DCX: variants seen among roughly 807,000 people sequenced by gnomAD.
The protein encoded by DCX is doublecortin.
A neutral mutation model predicts 20.9 loss-of-function variants in DCX; 4 were observed. The observed-to-expected ratio is 0.19, with a 90% CI of 0.09 to 0.44. The LOEUF (loss-of-function observed/expected upper bound fraction) is 0.44, where lower values mean the gene tolerates loss of function less well. Ranked by LOEUF, DCX falls within the 20% of genes least tolerant of loss-of-function variation. The pLI is 0.99. For synonymous variants in DCX, 103 were observed against 111.4 expected, an observed-to-expected ratio of 0.92 and a Z score of 0.47; for missense variants, 133 against 296.9, an observed-to-expected ratio of 0.45 and a Z score of 4.06.
intron 3 of DCX, among the ~76,000 whole-genome samples, chrX:111,356,260 G>C (rs1339412821): frequency 2.7e-5 from 3 of 112,171 alleles, no homozygotes; most frequent in African/African-American, 9.7e-5. Context: ...TCTAGGAGTG[G>C]GCATGGCCTG....
At chrX:111,365,213 C>A (rs1388710053) in intron 3 of DCX, among the ~76,000 whole-genome samples, 1 of 109,685 alleles carries the variant, frequency 9.1e-6, no homozygotes, top group Non-Finnish European at 1.9e-5. Flanking sequence ...AGCTACCATG[C>A]CAGGCATAGT....
At chrX:111,356,283 C>A (rs1923726347) in intron 3 of DCX, among the ~76,000 whole-genome samples, 1 of 112,119 alleles carries the variant, frequency 8.9e-6, no homozygotes, top group South Asian at 3.7e-4. Context: ...TTAGGACTGG[C>A]AAAACATCTC....
chrX:111,378,519 A>G (rs1312926685), intron 3 of DCX, among the ~76,000 whole-genome samples: 1 of 111,667 alleles, frequency 9.0e-6, no homozygotes, highest in African/African-American at 3.3e-5. Flanking sequence ...TTATATAATC[A>G]AATAATATTC....
chrX:111,347,122 A>C (rs1323745759), intron 3 of DCX, among the ~76,000 whole-genome samples: 1 of 111,813 alleles, frequency 8.9e-6, no homozygotes, highest in Non-Finnish European at 1.9e-5. Context: ...TATTATTAGT[A>C]GTAGTAACAA....
chrX:111,334,765 ACT>A, intron 3 of DCX, among the ~76,000 whole-genome samples: 1 of 112,063 alleles, frequency 8.9e-6, no homozygotes, highest in Non-Finnish European at 1.9e-5. Flanking sequence ...TCAGGCCATG[ACT>A]TCATGGAGCT....
At chrX:111,325,320 T>C (rs1402974878) in intron 5 of DCX, among the ~76,000 whole-genome samples, 1 of 111,390 alleles carries the variant, frequency 9.0e-6, no homozygotes, top group Non-Finnish European at 1.9e-5. Context: ...TCCCACATAC[T>C]AACTACTGTG....
intron 3 of DCX, among the ~76,000 whole-genome samples, chrX:111,341,399 T>C (rs1160061918): frequency 9.0e-6 from 1 of 110,913 alleles, no homozygotes; most frequent in Admixed American, 9.6e-5. Context: ...CTACGATTGA[T>C]TGCAGTACAT....
At chrX:111,405,248 C>T (rs1928118274) in intron 2 of DCX, among the ~76,000 whole-genome samples, 1 of 112,018 alleles carries the variant, frequency 8.9e-6, no homozygotes, top group Non-Finnish European at 1.9e-5. Context: ...TCCAGGGCTT[C>T]CTGACTCAAG....
intron 3 of DCX, among the ~76,000 whole-genome samples, chrX:111,370,575 G>A (rs1256745876): frequency 9.0e-6 from 1 of 111,421 alleles, no homozygotes; most frequent in Non-Finnish European, 1.9e-5. Context: ...TGGGGAGAGG[G>A]ACAGTTCTGT....
Position 111,408,087 on chromosome X carries a change from T to C in DCX, c.364+1948A>G, listed in dbSNP as rs962814636. 9.9e-5 allele frequency among the ~76,000 whole-genome samples: 11 copies of C among 111,254 alleles called. No individual in the cohort carries two copies. In the Admixed American group the frequency reaches 1.1e-3, roughly 11 times the overall value. Reference sequence around the variant, plus strand: ...TACAGAGAAATCCCTGAAATTTGACTGAGATGTGGATTTTACAGTGACAAA... The same window carrying C: ...TACAGAGAAATCCCTGAAATTTGACCGAGATGTGGATTTTACAGTGACAAA... On this transcript the variant is annotated intron_variant, in intron 2 of 6. Transcript: ENST00000636035.
chrX:111,338,893 C>T (rs1157934802), intron 3 of DCX, among the ~76,000 whole-genome samples: 1 of 111,585 alleles, frequency 9.0e-6, no homozygotes, highest in Non-Finnish European at 1.9e-5. Context: ...GCTTCCATTC[C>T]CATTGCTCCA....
intron 6 of DCX, among the ~76,000 whole-genome samples, chrX:111,302,263 C>T (rs1030907290): frequency 8.9e-6 from 1 of 112,098 alleles, no homozygotes; most frequent in African/African-American, 3.2e-5. Context: ...CCCGGAGACT[C>T]ATGTAAGCCA....
intron 3 of DCX, among the ~76,000 whole-genome samples, chrX:111,369,768 G>A (rs1455752812): frequency 8.9e-6 from 1 of 111,915 alleles, no homozygotes; most frequent in East Asian, 2.8e-4. Flanking sequence ...AGGGGGTGAG[G>A]AGGAGGGTGC....
chrX:111,312,331 G>A (rs1379187069), intron 6 of DCX, among the ~76,000 whole-genome samples: 1 of 112,001 alleles, frequency 8.9e-6, no homozygotes, highest in Non-Finnish European at 1.9e-5. Context: ...CTCTGAACTG[G>A]GGAGACAAGT....
chrX:111,322,239 G>A (rs1343623250), intron 5 of DCX, among the ~76,000 whole-genome samples: 2 of 111,534 alleles, frequency 1.8e-5, no homozygotes, highest in African/African-American at 6.5e-5. Flanking sequence ...GGATATAGGG[G>A]CTCAGAGAGG....
At chrX:111,391,021 A>G (rs990627791) in intron 3 of DCX, among the ~76,000 whole-genome samples, 5 of 93,847 alleles carry the variant, frequency 5.3e-5, no homozygotes, top group South Asian at 4.9e-4. Flanking sequence ...AAAAAAAAAA[A>G]TCCTTCACTG....
In DCX at chrX:111,301,488, G is replaced by C. The variant is rs1196162803; in HGVS notation, c.*199C>G. ...GTTATCAATCTATCTCTCATAATTG[G>C]TAACTGTGGATCAGTGGCCCAGAGG... is the stretch of plus-strand genomic sequence containing the variant. On this transcript the variant is annotated 3_prime_UTR_variant, in exon 7 of 7. Coordinates refer to ENST00000636035, the MANE Select transcript of DCX (RefSeq NM_001195553.2). 2.1e-6 allele frequency: 1 copy of C among 476,935 alleles called. No homozygotes were observed. Among genetic ancestry groups the C allele is most frequent in the African/African-American group, 2.4e-5 (1 of 41,633 alleles). 39.3% of individuals were successfully genotyped at this position (476,935 alleles called of 1,213,427 possible). A position where few individuals can be genotyped will look rare whatever the true frequency, so the allele number is the denominator to read the frequency against.
rs763394030 is a variant in DCX at position 111,342,248 on chromosome X, A to G, written c.706-9095T>C. On this transcript the variant is annotated intron_variant, in intron 3 of 6. Coordinates refer to ENST00000636035, the MANE Select transcript of DCX (RefSeq NM_001195553.2). ...GGAGTTGCAATCCCAGTCTCTGACC[A>G]AACAGACTTTAAACCAACAAAGATC... is the stretch of plus-strand genomic sequence containing the variant. 3.1e-5 allele frequency among the ~76,000 whole-genome samples: 3 copies of G among 97,649 alleles called. No homozygotes were observed. In the South Asian group the frequency reaches 1.6e-3, roughly 52 times the overall value. The allele number at this position is 97,649 out of a possible 115,157, so 84.8% of individuals were successfully genotyped here.
chrX:111,399,899 T>C (rs1927637352), intron 3 of DCX, among the ~76,000 whole-genome samples: 1 of 111,671 alleles, frequency 9.0e-6, no homozygotes, highest in Non-Finnish European at 1.9e-5. Flanking sequence ...TTTCTCAAAA[T>C]TGCAAAGTAC....
Sources: allele counts gnomAD v4.1 joint callset (sites outside exome capture counted in the v4.1 genomes callset), GRCh38; gene constraint gnomAD v4.1.1; transcripts MANE v1.5; gene names NCBI Gene and HGNC (gene_info 2026-07-23, HGNC 2026-07-21).